Variants in APBA1 observed in about 807,000 individuals in gnomAD.
APBA1 encodes the protein amyloid beta precursor protein binding family A member 1, also known as amyloid-beta A4 precursor protein-binding family A member 1.
APBA1 carries 55 observed loss-of-function variants against 86.6 expected under a neutral mutation model. The observed-to-expected ratio is 0.64, with a 90% CI of 0.51 to 0.80. The LOEUF is 0.80. Ranked by LOEUF, APBA1 falls within the 30% of genes least tolerant of loss-of-function variation. APBA1 has a pLI of 0.00. For synonymous variants in APBA1, 511 were observed against 493.9 expected (o/e 1.03, Z -0.46); for missense variants, 1,090 against 1,183.0 (o/e 0.92, Z 1.15).
Position 69,500,283 on chromosome 9 carries a change from G to A in APBA1, c.1200+15728C>T, listed in dbSNP as rs545790632. 1.6e-4 allele frequency among the ~76,000 whole-genome samples: 25 copies of A among 152,214 alleles called. 1 individual carries two copies. The highest frequency in any genetic ancestry group is 5.8e-4 in the African/African-American group (24 of 41,530). On this transcript the variant is annotated intron_variant, in intron 2 of 12. Transcript: ENST00000265381. The stretch of plus-strand genomic sequence containing the variant: ...AGATCGCCAGTAACCAACCCCAAAT[G>A]TTAAGTGAGCTTTGACTTCCAAATG...
In APBA1 at chr9:69,658,282, T is replaced by TTCTC. The variant is rs748330338; in HGVS notation, c.-70+13867_-70+13870dup. 7.3e-4 allele frequency among the ~76,000 whole-genome samples: 29 copies of TTCTC among 39,842 alleles called. 1 individual carries two copies. The highest frequency in any genetic ancestry group is 1.8e-3 in the African/African-American group (28 of 15,966). 26.1% of individuals were successfully genotyped at this position (39,842 alleles called of 152,430 possible). A position where few individuals can be genotyped will look rare whatever the true frequency, so the allele number is the denominator to read the frequency against. On this transcript the variant is annotated intron_variant, in intron 1 of 12. Transcript: ENST00000265381. ...TTTCTTTCTTTCTTTCTTTCTTTCT[T>TTCTC]TCTCTCTCTCTTTCTCTCTCTCTCT...
chr9:69,631,727 C>T (rs10780544), intron 1 of APBA1, among the ~76,000 whole-genome samples: 134,066 of 152,238 alleles, frequency 0.88, 60,231 homozygotes, highest in East Asian at 1. Flanking sequence ...TATGCAGCCA[C>T]AAAAAAGGAT....
rs764522130 is a variant in APBA1 at position 69,441,132 on chromosome 9, G to C, written c.2182-17C>G. On this transcript the variant is annotated splice_polypyrimidine_tract_variant and intron_variant, in intron 10 of 12. Coordinates refer to ENST00000265381, the MANE Select transcript of APBA1 (RefSeq NM_001163.4). ...CTTTAAGCCCTTAAACATGAATAAA[G>C]TACAGTGGGTATGGTGACCACTGAG... 6.2e-7 allele frequency: 1 copy of C among 1,611,644 alleles called. No individual in the cohort carries two copies. The highest frequency in any genetic ancestry group is 1.1e-5 in the South Asian group (1 of 90,662).
chr9:69,623,062 C>T (rs1415304957), intron 1 of APBA1, among the ~76,000 whole-genome samples: 1 of 152,160 alleles, frequency 6.6e-6, no homozygotes, highest in Non-Finnish European at 1.5e-5. Flanking sequence ...AAAGATCTGA[C>T]ATGATCTTTG....
At chr9:69,503,616 A>T (rs1835911292) in intron 2 of APBA1, among the ~76,000 whole-genome samples, 1 of 152,146 alleles carries the variant, frequency 6.6e-6, no homozygotes, top group South Asian at 2.1e-4. Context: ...AACTGCTTTT[A>T]CTGAGGTAAA....
At chr9:69,579,122 G>A (rs775257157) in intron 1 of APBA1, among the ~76,000 whole-genome samples, 1 of 151,888 alleles carries the variant, frequency 6.6e-6, no homozygotes, top group African/African-American at 2.4e-5. Context: ...AGGCACCTCT[G>A]CTTGTTAACA....
chr9:69,517,066 C>T lies in APBA1; in HGVS notation c.145G>A (p.Gly49Ser). 1 of 1,584,762 alleles carries T rather than the reference C, an allele frequency of 6.3e-7. No individual in the cohort carries two copies. Among genetic ancestry groups the T allele is most frequent in the East Asian group, 2.3e-5 (1 of 43,978 alleles). ...QQPPQQQHYV[G>S]RHQRGRALED... Reference sequence around the variant, plus strand: ...AGGGCTCGCCCGCGCTGGTGGCGGCCCACATAGTGCTGCTGCTGCGGCGGC... The same window carrying T: ...AGGGCTCGCCCGCGCTGGTGGCGGCTCACATAGTGCTGCTGCTGCGGCGGC... The change falls in exon 2 of 13, where the codon GGC becomes AGC. Residue 49 changes from glycine to serine, a missense_variant. Gly to Ser is a moderately conservative substitution (Grantham distance 56, BLOSUM62 0). Transcript: ENST00000265381.
At chr9:69,626,726 C>G (rs1290757043) in intron 1 of APBA1, among the ~76,000 whole-genome samples, 4 of 152,014 alleles carry the variant, frequency 2.6e-5, no homozygotes, top group African/African-American at 7.2e-5. Context: ...GAAACATAAG[C>G]TTTCAAACCC....
intron 11 of APBA1, among the ~76,000 whole-genome samples, chr9:69,434,992 G>C (rs1428746204): frequency 7.9e-6 from 1 of 125,924 alleles, no homozygotes; most frequent in Non-Finnish European, 1.5e-5. Flanking sequence ...TCCCCTTCCT[G>C]TGTCCATGTG....
intron 5 of APBA1, chr9:69,463,384 T>C (rs899122914): frequency 2.0e-5 from 3 of 152,230 alleles, no homozygotes; most frequent in Non-Finnish European, 4.4e-5. Context: ...AGAAAATACC[T>C]GGCCAAACCG....
At chr9:69,482,478 T>C (rs1835529208) in intron 2 of APBA1, among the ~76,000 whole-genome samples, 1 of 150,790 alleles carries the variant, frequency 6.6e-6, no homozygotes, top group Non-Finnish European at 1.5e-5. Context: ...AAACAATGGG[T>C]GCTGGAGAGG....
chr9:69,525,706 G>A (rs1564066898), intron 1 of APBA1, among the ~76,000 whole-genome samples: 1 of 152,058 alleles, frequency 6.6e-6, no homozygotes, highest in Non-Finnish European at 1.5e-5. Flanking sequence ...ATTTTTCACA[G>A]AACTAGAGAA....
chr9:69,638,281 T>C (rs1823219861), intron 1 of APBA1, among the ~76,000 whole-genome samples: 1 of 152,210 alleles, frequency 6.6e-6, no homozygotes, highest in South Asian at 2.1e-4. Flanking sequence ...TACTCTGTCA[T>C]CCAGGCTGGA....
intron 11 of APBA1, among the ~76,000 whole-genome samples, chr9:69,434,272 G>A (rs994011955): frequency 3.3e-5 from 5 of 152,174 alleles, no homozygotes; most frequent in African/African-American, 1.2e-4. Flanking sequence ...TGGCAGCCGG[G>A]AAGGCAGTCC....
In APBA1 at chr9:69,456,394, G is replaced by A. The variant is rs1202105305; in HGVS notation, c.1641C>T (p.Tyr547=). 1 of 1,610,998 alleles carries A rather than the reference G, an allele frequency of 6.2e-7. No individual in the cohort carries two copies. The highest frequency in any genetic ancestry group is 1.3e-5 in the African/African-American group (1 of 74,898). Reference sequence around the variant, plus strand: ...CAACGATGTTCCCAATGTCCGCAATGTAGGAAATGGTCCTCAGAGGGTGGT... The same window carrying A: ...CAACGATGTTCCCAATGTCCGCAATATAGGAAATGGTCCTCAGAGGGTGGT... ...MMDHPLRTIS[Y]IADIGNIVVL... is the part of the protein sequence containing the mutation. The change falls in exon 8 of 13, where the codon TAC becomes TAT. Residue 547 remains tyrosine (Y), a synonymous_variant. Coordinates refer to ENST00000265381, the MANE Select transcript of APBA1 (RefSeq NM_001163.4).
chr9:69,516,706 CGT>C lies in APBA1; in HGVS notation c.503_504del (p.Tyr168CysfsTer11). 1.9e-6 allele frequency: 3 copies of C among 1,611,172 alleles called. No homozygotes were observed. Among genetic ancestry groups the C allele is most frequent in the Non-Finnish European group, 2.5e-6 (3 of 1,179,170 alleles). On this transcript the variant is annotated frameshift_variant, in exon 2 of 13. Transcript: ENST00000265381. LOFTEE classifies it high-confidence loss of function. This position sits in a 1 kb window ranked among gnomAD's most constrained non-coding sequence, Gnocchi z 7.3. Reference protein sequence around the residue: ...EEAMNAAYSGYVYTHRLFHRG... With the variant: ...EEAMNAAYSGXVYTHRLFHRG... ...CGGTGGAAGAGCCGGTGCGTGTAGA[CGT>C]AGCCTGAGTAGGCCGCATTCATGGC... is the stretch of plus-strand genomic sequence containing the variant.
At chr9:69,455,529 C>CT (rs1491046680) in intron 8 of APBA1, among the ~76,000 whole-genome samples, 3 of 152,060 alleles carry the variant, frequency 2.0e-5, no homozygotes, top group Admixed American at 2.0e-4. Flanking sequence ...CAAATTTTCT[C>CT]TGTTGACTGC....
chr9:69,484,828 A>G (rs1163391584), intron 2 of APBA1, among the ~76,000 whole-genome samples: 1 of 152,124 alleles, frequency 6.6e-6, no homozygotes, highest in Admixed American at 6.5e-5. Flanking sequence ...TCAGCTTTAC[A>G]ATGTTTTCCA....
chr9:69,617,830 T>C (rs1363934002), intron 1 of APBA1, among the ~76,000 whole-genome samples: 1 of 152,274 alleles, frequency 6.6e-6, no homozygotes, highest in Middle Eastern at 3.4e-3. Flanking sequence ...CTCACACTGT[T>C]GTGCGACTTT....
Sources: gnomAD v4.1 joint callset for allele counts (sites outside exome capture counted in the v4.1 genomes callset) on GRCh38, gnomAD v4.1.1 for gene constraint, Gnocchi (gnomAD v3.1) non-coding constraint, MANE v1.5 for transcripts, NCBI Gene and HGNC (gene_info 2026-07-23, HGNC 2026-07-21) for gene names.